CDK13: variants seen among roughly 807,000 people sequenced by gnomAD.
CDK13 encodes the protein cyclin-dependent kinase 13.
Under a neutral mutation model 137.6 loss-of-function variants are expected in CDK13, and 40 were observed. The ratio of observed to expected loss-of-function variants is 0.29; its 90% CI spans 0.23 to 0.38. CDK13 has a LOEUF of 0.38. Ranked by LOEUF, CDK13 falls within the 10% of genes least tolerant of loss-of-function variation. CDK13 has a pLI of 1.00. For synonymous variants in CDK13, 869 were observed against 760.1 expected (o/e 1.14, Z -2.36); for missense variants, 1,704 against 1,951.8 (o/e 0.87, Z 2.39).
At chr7:40,017,844 A>G (rs1474431668) in intron 5 of CDK13, among the ~76,000 whole-genome samples, 1 of 151,800 alleles carries the variant, frequency 6.6e-6, no homozygotes, top group Non-Finnish European at 1.5e-5. Context: ...TTATAGTTTG[A>G]AAAAGTATTC....
At chr7:40,067,303 T>G (rs1584061927) in intron 9 of CDK13, 1 of 152,494 alleles carries the variant, frequency 6.6e-6, no homozygotes, top group African/African-American at 2.4e-5. Context: ...CGCAGCACTT[T>G]GGGAGGCCAA....
At chr7:39,994,047 T>C (rs1341219560) in intron 2 of CDK13, among the ~76,000 whole-genome samples, 2 of 152,108 alleles carry the variant, frequency 1.3e-5, no homozygotes. Flanking sequence ...ATTGCTTGCT[T>C]GTATTCTGTG....
chr7:39,959,880 T>C (rs1239269202), intron 1 of CDK13, among the ~76,000 whole-genome samples: 1 of 150,484 alleles, frequency 6.6e-6, no homozygotes, highest in African/African-American at 2.4e-5. Context: ...GTATTTTTCG[T>C]GAGCTTGTCT....
intron 7 of CDK13, among the ~76,000 whole-genome samples, chr7:40,051,644 G>C (rs1158895006): frequency 6.6e-6 from 1 of 152,138 alleles, no homozygotes; most frequent in Non-Finnish European, 1.5e-5. Flanking sequence ...AAATAGAGCA[G>C]TTTTCAGCTT....
At chr7:40,002,585 G>A (rs1784705958) in intron 5 of CDK13, among the ~76,000 whole-genome samples, 1 of 152,100 alleles carries the variant, frequency 6.6e-6, no homozygotes, top group East Asian at 1.9e-4. Context: ...GTGCTCTACT[G>A]TTGGTATGTT....
intron 5 of CDK13, among the ~76,000 whole-genome samples, chr7:40,029,104 G>C (rs1362807636): frequency 6.6e-6 from 1 of 151,736 alleles, no homozygotes; most frequent in Non-Finnish European, 1.5e-5. Flanking sequence ...AGAAAACTCA[G>C]ATGAACCATG....
chr7:39,956,731 G>T (rs1226784393), intron 1 of CDK13, among the ~76,000 whole-genome samples: 1 of 152,102 alleles, frequency 6.6e-6, no homozygotes, highest in Non-Finnish European at 1.5e-5. Flanking sequence ...GGGATTACAG[G>T]TGCATGCCAC....
chr7:39,963,693 G>A (rs945596117), intron 1 of CDK13, among the ~76,000 whole-genome samples: 11 of 152,186 alleles, frequency 7.2e-5, no homozygotes, highest in African/African-American at 2.4e-4. Context: ...GGGCATCCCT[G>A]TCTTGTGCCA....
At chr7:40,002,113 CTA>C in intron 5 of CDK13, 82 bp downstream of exon 5, 1 of 874,300 alleles carries the variant, frequency 1.1e-6, no homozygotes, top group South Asian at 1.7e-5. Context: ...ATAGATGTGA[CTA>C]TTTGAGTAAT....
At chr7:40,001,788 T>TA (rs1784690856) in intron 4 of CDK13, 73 bp from the exon 5 acceptor site, 8 of 932,696 alleles carry the variant, frequency 8.6e-6, no homozygotes, top group Non-Finnish European at 1.4e-5. Context: ...TGAATTAAAA[T>TA]ACATTTAAAG....
chr7:40,020,039 T>C (rs1483986909), intron 5 of CDK13, among the ~76,000 whole-genome samples: 1 of 152,204 alleles, frequency 6.6e-6, no homozygotes, highest in Non-Finnish European at 1.5e-5. Context: ...CAATATGTTC[T>C]AGATTTAATA....
chr7:40,042,151 C>T (rs10258115), intron 5 of CDK13, among the ~76,000 whole-genome samples: 21,608 of 151,958 alleles, frequency 0.14, 5,090 homozygotes, highest in African/African-American at 0.49. Flanking sequence ...GCGATCTCGG[C>T]TCACTGCAAC....
intron 9 of CDK13, chr7:40,072,346 C>G (rs562760223): frequency 4.6e-5 from 7 of 152,240 alleles, no homozygotes; most frequent in African/African-American, 1.7e-4. Flanking sequence ...AGGTTGGTCT[C>G]GAACTCATGA....
rs1787127864 is a variant in CDK13, at chr7:39,950,760, T to C, written c.119T>C (p.Leu40Pro). 2 of 1,476,652 alleles carry C rather than the reference T, an allele frequency of 1.4e-6. No individual in the cohort carries two copies. Among genetic ancestry groups the C allele is most frequent in the African/African-American group, 1.5e-5 (1 of 68,206 alleles). The allele number at this position is 1,476,652 out of a possible 1,614,324, so 91.5% of individuals were successfully genotyped here. A position where few individuals can be genotyped will look rare whatever the true frequency, so the allele number is the denominator to read the frequency against. Residue 40 changes from leucine to proline, a missense_variant, in exon 1 of 14, where the codon CTG (leucine) becomes CCG (proline). By Grantham distance (98) the Leu-to-Pro change is moderately conservative. This residue lies in a region of CDK13 where 1,051 missense variants were observed against 931.0 expected (regional missense o/e 1.13). Coordinates refer to ENST00000181839, the MANE Select transcript of CDK13 (RefSeq NM_003718.5). Reference protein sequence around the residue: ...RFLSPQQPPLLLPLLQPQLLQ... With the variant: ...RFLSPQQPPLPLPLLQPQLLQ... ...CTGTCCCCTCAGCAGCCGCCGCTGC[T>C]GTTGCCGCTCCTGCAGCCGCAGCTC...
chr7:40,024,756 C>T (rs531213253), intron 5 of CDK13, among the ~76,000 whole-genome samples: 1 of 143,954 alleles, frequency 6.9e-6, no homozygotes, highest in Non-Finnish European at 1.5e-5. Context: ...CTCCGCCTCC[C>T]GGGTTCGAGC....
chr7:39,986,482 G>A (rs535094780), intron 1 of CDK13: 193 of 152,246 alleles, frequency 1.3e-3, no homozygotes, highest in African/African-American at 4.4e-3. Context: ...CTAAGTCCTA[G>A]TTCAGACTAT....
chr7:40,080,530 G>A (rs1217317775), intron 11 of CDK13, among the ~76,000 whole-genome samples: 1 of 152,104 alleles, frequency 6.6e-6, no homozygotes, highest in Non-Finnish European at 1.5e-5. Context: ...TTTATGGGAT[G>A]ATTTGGGAGC....
At chr7:39,978,297 A>G (rs978496909) in intron 1 of CDK13, among the ~76,000 whole-genome samples, 1 of 152,232 alleles carries the variant, frequency 6.6e-6, no homozygotes, top group African/African-American at 2.4e-5. Flanking sequence ...ATTGCAGCAG[A>G]GAGAGACTTT....
intron 5 of CDK13, among the ~76,000 whole-genome samples, chr7:40,036,578 A>T (rs569642659): frequency 2.4e-4 from 37 of 152,242 alleles, no homozygotes; most frequent in African/African-American, 8.4e-4. Flanking sequence ...CTCAAAAAAA[A>T]TTAAATTAAA....
Sources: allele counts gnomAD v4.1 joint callset (sites outside exome capture counted in the v4.1 genomes callset), GRCh38; gene constraint gnomAD v4.1.1; regional missense constraint gnomAD v4.1.1; transcripts MANE v1.5; gene names NCBI Gene and HGNC (gene_info 2026-07-23, HGNC 2026-07-21).